POLN: variants seen among roughly 807,000 people sequenced by gnomAD.
POLN encodes DNA polymerase N.
POLN carries 108 observed loss-of-function variants against 113.5 expected under a neutral mutation model. The ratio of observed to expected loss-of-function variants is 0.95; its 90% confidence interval spans 0.81 to 1.12. The LOEUF is 1.12. Among genes scored for constraint, POLN ranks in the 50% most tolerant of loss-of-function variants. The pLI is 0.00. For missense variants in POLN, 1,097 were observed against 1,077.1 expected (o/e 1.02, Z -0.26); for synonymous variants, 386 against 391.5 (o/e 0.99, Z 0.17).
Position 2,073,561 on chromosome 4 carries a change from T to TTGGGGCG in POLN, c.2456-539_2456-533dup, listed in dbSNP as rs1415168147. Among the ~76,000 whole-genome samples, 3 of 152,340 alleles carry TTGGGGCG rather than the reference T, an allele frequency of 2.0e-5. No homozygotes were observed. In the East Asian group the frequency reaches 5.8e-4, roughly 29 times the overall value. On this transcript the variant is annotated intron_variant, in intron 24 of 25. Coordinates refer to ENST00000511885, the MANE Select transcript of POLN (RefSeq NM_181808.4). ...TGCCACAGGCAGGCTGACCCCGTTG[T>TTGGGGCG]TGGGGCGTGGATCACCATGCAGCAG... is the stretch of plus-strand genomic sequence containing the variant.
At chr4:2,132,839 A>G (rs1731759319) in intron 16 of POLN, among the ~76,000 whole-genome samples, 1 of 152,252 alleles carries the variant, frequency 6.6e-6, no homozygotes, top group African/African-American at 2.4e-5. Context: ...GCTACAGGAA[A>G]TTCTTCAGGC....
intron 16 of POLN, among the ~76,000 whole-genome samples, chr4:2,138,948 T>TG: frequency 6.6e-6 from 1 of 151,856 alleles, no homozygotes; most frequent in Middle Eastern, 3.4e-3. Context: ...GCCTTTTTTT[T>TG]TTTTCCTGAT....
In POLN at chr4:2,159,162, T is replaced by C. The variant is rs1732514914; in HGVS notation, c.1604A>G (p.Tyr535Cys). 6.2e-7 allele frequency: 1 copy of C among 1,606,426 alleles called. No individual in the cohort carries two copies. The highest frequency in any genetic ancestry group is 1.1e-5 in the South Asian group (1 of 90,742). Reference sequence around the variant, plus strand: ...ACAAAAAAATTAACTTACCTGCCTGTATTCCAAAATTATCTTGGGTAATGG... The same window carrying C: ...ACAAAAAAATTAACTTACCTGCCTGCATTCCAAAATTATCTTGGGTAATGG... ...LHPLPKIILE[Y>C]RQVHKIKSTF... The change falls in exon 14 of 26, where the codon TAC becomes TGC. Residue 535 changes from tyrosine to cysteine, a missense_variant. By Grantham distance (194) the Tyr-to-Cys change is radical. Coordinates refer to ENST00000511885, the MANE Select transcript of POLN (RefSeq NM_181808.4).
At chr4:2,156,019 G>C (rs1313870166) in intron 16 of POLN, among the ~76,000 whole-genome samples, 2 of 152,102 alleles carry the variant, frequency 1.3e-5, no homozygotes, top group African/African-American at 4.8e-5. Context: ...GTTTTTAGTA[G>C]AGACGGGGTT....
At chr4:2,228,844 T>C (rs1278097637) in intron 3 of POLN, 3 of 351,598 alleles carry the variant, frequency 8.5e-6, no homozygotes, top group Non-Finnish European at 1.5e-5. Flanking sequence ...AATACTAAAA[T>C]ACCTGATCCA....
intron 19 of POLN, among the ~76,000 whole-genome samples, chr4:2,110,963 T>C (rs1286422287): frequency 6.6e-6 from 1 of 152,194 alleles, no homozygotes; most frequent in African/African-American, 2.4e-5. Flanking sequence ...ACCAATATCC[T>C]TGATGAACAT....
intron 20 of POLN, among the ~76,000 whole-genome samples, chr4:2,092,616 G>A (rs924197419): frequency 1.3e-5 from 2 of 152,220 alleles, no homozygotes; most frequent in Non-Finnish European, 2.9e-5. Flanking sequence ...ACAAAGTCCT[G>A]CTGCTTCCTC....
intron 16 of POLN, chr4:2,156,460 AC>A (rs1339115374): frequency 4.0e-6 from 2 of 502,390 alleles, no homozygotes; most frequent in African/African-American, 3.9e-5. Flanking sequence ...AGATACTTCA[AC>A]ACATTTCTGG....
intron 19 of POLN, among the ~76,000 whole-genome samples, chr4:2,110,646 T>C (rs1242629963): frequency 2.0e-5 from 3 of 152,054 alleles, no homozygotes; most frequent in Non-Finnish European, 4.4e-5. Context: ...CTAAAAGAAA[T>C]GGATAAATTC....
Position 2,073,047 on chromosome 4 carries a change from G to T in POLN, c.2456-18C>A. 1 of 1,612,394 alleles carries T rather than the reference G, an allele frequency of 6.2e-7. No homozygotes were observed. The highest frequency in any genetic ancestry group is 8.5e-7 in the Non-Finnish European group (1 of 1,179,364). ...GACGAGAGCTAGAGTGCGGAAGAGA[G>T]AGGAGGCCCTGCTGGTCTCTTGGCC... On this transcript the variant is annotated intron_variant, in intron 24 of 25. Coordinates refer to ENST00000511885, the MANE Select transcript of POLN (RefSeq NM_181808.4).
intron 13 of POLN, among the ~76,000 whole-genome samples, chr4:2,160,797 T>C (rs937229333): frequency 4.6e-5 from 7 of 152,230 alleles, no homozygotes; most frequent in Non-Finnish European, 5.9e-5. Context: ...TTATGGTTGA[T>C]GCATTTGCTG....
intron 21 of POLN, among the ~76,000 whole-genome samples, chr4:2,082,208 G>C (rs1297964302): frequency 6.6e-6 from 1 of 152,068 alleles, no homozygotes; most frequent in African/African-American, 2.4e-5. Context: ...CACCCGCCTT[G>C]GCCTCCAAAG....
At chr4:2,112,728 A>G (rs1390487774) in intron 19 of POLN, among the ~76,000 whole-genome samples, 1 of 152,226 alleles carries the variant, frequency 6.6e-6, no homozygotes, top group Non-Finnish European at 1.5e-5. Context: ...TTAAAAAGTC[A>G]GGAAACAACA....
At chr4:2,177,260 C>G (rs759172480) in intron 8 of POLN, 1 of 474,810 alleles carries the variant, frequency 2.1e-6, no homozygotes, top group East Asian at 6.3e-5. Context: ...CGAGGAGCCC[C>G]TAAATCTTCT....
At chr4:2,074,209 G>A (rs1490293088) in intron 24 of POLN, among the ~76,000 whole-genome samples, 4 of 152,190 alleles carry the variant, frequency 2.6e-5, no homozygotes, top group East Asian at 3.9e-4. Flanking sequence ...CAGCTGGAGC[G>A]CTCCCTGTGG....
chr4:2,240,503 C>T (rs1577805036), intron 2 of POLN: 1 of 1,613,934 alleles, frequency 6.2e-7, no homozygotes, highest in East Asian at 2.2e-5. Context: ...GACTCTGCTT[C>T]AGCTTTTTAG....
At chr4:2,134,718 T>G (rs34047809) in intron 16 of POLN, among the ~76,000 whole-genome samples, 85 of 152,330 alleles carry the variant, frequency 5.6e-4, no homozygotes, top group Non-Finnish European at 9.1e-4. Flanking sequence ...GCTGGGGGTC[T>G]GTCACAATGC....
chr4:2,174,813 T>C lies in POLN; in HGVS notation c.1249-62A>G, dbSNP rs146411078. The C allele has an allele frequency of 6.5e-5, 84 of 1,288,692 alleles. No homozygotes were observed. In the African/African-American group the frequency reaches 1.0e-3, roughly 16 times the overall value. The allele number at this position is 1,288,692 out of a possible 1,614,324, so 79.8% of individuals were successfully genotyped here. On this transcript the variant is annotated intron_variant, in intron 9 of 25. Coordinates refer to ENST00000511885, the MANE Select transcript of POLN (RefSeq NM_181808.4). Reference sequence around the variant, plus strand: ...AAATATTATTGTATCTGCATTTTGTTGAAAAGCCTACTTTTTTTTTTTTTT... The same window carrying C: ...AAATATTATTGTATCTGCATTTTGTCGAAAAGCCTACTTTTTTTTTTTTTT...
At chr4:2,078,247 G>C (rs1416369983) in intron 23 of POLN, among the ~76,000 whole-genome samples, 1 of 152,258 alleles carries the variant, frequency 6.6e-6, no homozygotes, top group African/African-American at 2.4e-5. Flanking sequence ...GCCTGCACCA[G>C]AAGAGACAGA....
Sources: gnomAD v4.1 joint callset for allele counts (sites outside exome capture counted in the v4.1 genomes callset) on GRCh38, gnomAD v4.1.1 for gene constraint, MANE v1.5 for transcripts, NCBI Gene and HGNC (gene_info 2026-07-23, HGNC 2026-07-21) for gene names.